HMX1: variants seen among roughly 807,000 people sequenced by gnomAD.
HMX1 encodes the protein homeobox protein HMX1.
HMX1 carries 8 observed loss-of-function variants against 8.9 expected under a neutral mutation model. The observed-to-expected ratio is 0.90, with a 90% CI of 0.53 to 1.63. The LOEUF is 1.63. Ranked by LOEUF, HMX1 falls within the 40% of genes most tolerant of loss-of-function variation. HMX1 has a pLI of 0.00. For missense variants in HMX1, 621 were observed against 558.5 expected (o/e 1.11, Z -1.13); for synonymous variants, 311 against 283.4 (o/e 1.10, Z -0.98).
chr4:8,861,953 G>C (rs1721841707), intron 1 of HMX1, among the ~76,000 whole-genome samples: 1 of 152,256 alleles, frequency 6.6e-6, no homozygotes, highest in African/African-American at 2.4e-5. Context: ...CCACGTCCGC[G>C]TGGGTGACTC....
rs1721394539 is a variant in HMX1, at chr4:8,849,952, C to T, written c.395-3628G>A. Among the ~76,000 whole-genome samples the T allele has an allele frequency of 6.6e-6, 1 of 152,182 alleles. No individual in the cohort carries two copies. On this transcript the variant is annotated intron_variant, in intron 1 of 1. Coordinates refer to the HMX1 transcript ENST00000506970. This position sits in a 1 kb window ranked among gnomAD's most constrained non-coding sequence, Gnocchi z 6.6. ...GGTGGGCAGGTGACAAAGGAAGTGG[C>T]CAAGGGTGTGTCCCAAACCCTGTGG...
chr4:8,852,269 T>C (rs1434334373), intron 1 of HMX1, among the ~76,000 whole-genome samples: 1 of 152,256 alleles, frequency 6.6e-6, no homozygotes, highest in Non-Finnish European at 1.5e-5. Context: ...TGAACGCGGC[T>C]GCAGGGAGGT....
At chr4:8,858,456 G>C (rs1053376004) in intron 1 of HMX1, among the ~76,000 whole-genome samples, 6 of 152,166 alleles carry the variant, frequency 3.9e-5, no homozygotes, top group Non-Finnish European at 7.3e-5. Context: ...GGCCAGGCGC[G>C]GCAAGACCCC....
In HMX1 at chr4:8,867,251, TC is replaced by T. The variant is rs1482562907; in HGVS notation, c.*441del. 6.1e-6 allele frequency: 6 copies of T among 985,714 alleles called. No homozygotes were observed. Among genetic ancestry groups the T allele is most frequent in the Non-Finnish European group, 6.0e-6 (5 of 830,340 alleles). The allele number at this position is 985,714 out of a possible 1,614,324, so 61.1% of individuals were successfully genotyped here. On this transcript the variant is annotated 3_prime_UTR_variant, in exon 2 of 2. Transcript: ENST00000400677. ...CCTCCGGGCCGGCCTGCTGTCTGGGTCCCAGGAAAGGGACGTTTAGTGTTGG... is the reference window on the plus strand; with the variant it reads ...CCTCCGGGCCGGCCTGCTGTCTGGGTCCAGGAAAGGGACGTTTAGTGTTGG...
At position 8,867,569 on chromosome 4, in the gene HMX1, G is replaced by A; in HGVS notation, c.*124C>T. 1.7e-6 allele frequency: 2 copies of A among 1,187,532 alleles called. No individual in the cohort carries two copies. The highest frequency in any genetic ancestry group is 2.1e-6 in the Non-Finnish European group (2 of 959,592). The allele number at this position is 1,187,532 out of a possible 1,614,324, so 73.6% of individuals were successfully genotyped here. A position where few individuals can be genotyped will look rare whatever the true frequency, so the allele number is the denominator to read the frequency against. ...CCCGGCCGCGGCCTGCGCTCCCGAG[G>A]TATCTAGGAGGCCGCAGGAGCGACC... On this transcript the variant is annotated 3_prime_UTR_variant, in exon 2 of 2. Transcript: ENST00000400677.
intron 1 of HMX1, among the ~76,000 whole-genome samples, chr4:8,855,511 G>GGTC (rs1468566308): frequency 1.3e-5 from 2 of 152,172 alleles, no homozygotes; most frequent in Non-Finnish European, 2.9e-5. Context: ...ACACTCTGGG[G>GGTC]GTCGAGGTGA....
intron 1 of HMX1, among the ~76,000 whole-genome samples, chr4:8,846,605 G>C (rs1207202779): frequency 6.6e-6 from 1 of 152,166 alleles, no homozygotes; most frequent in Non-Finnish European, 1.5e-5. Flanking sequence ...ACTGACCATA[G>C]GGTGAAGTGC....
In HMX1 at chr4:8,848,062, G is replaced by C. The variant is rs1380347996; in HGVS notation, c.395-1738C>G. ...GATTCAGTTATTGGACAACACTGAA[G>C]TATGTTTGGAACAACTTGGGTCTGA... On this transcript the variant is annotated intron_variant, in intron 1 of 1. Coordinates refer to the HMX1 transcript ENST00000506970. The surrounding 1 kb of genome is among the most constrained non-coding windows in gnomAD (Gnocchi z 4.1). Among the ~76,000 whole-genome samples, 1 of 152,204 alleles carries C rather than the reference G, an allele frequency of 6.6e-6. No individual in the cohort carries two copies. The highest frequency in any genetic ancestry group is 6.5e-5 in the Admixed American group (1 of 15,286).
Position 8,868,268 on chromosome 4 carries a change from C to G in HMX1, c.472G>C (p.Gly158Arg). ...EGAWPRGPGPGAVQREAAELA... is the reference protein window; with the variant it reads ...EGAWPRGPGPRAVQREAAELA... The stretch of plus-strand genomic sequence containing the variant: ...TCCGCTGCCTCCCGCTGCACCGCTC[C>G]CGGCCCGGGGCCTCGCGGCCAGGCG... The change falls in exon 2 of 2, where the codon GGA becomes CGA. Residue 158 changes from glycine to arginine, a missense_variant. Coordinates refer to ENST00000400677, the MANE Select transcript of HMX1 (RefSeq NM_018942.3). The surrounding 1 kb of genome is among the most constrained non-coding windows in gnomAD (Gnocchi z 4.6). 6.9e-7 allele frequency: 1 copy of G among 1,442,094 alleles called. No homozygotes were observed. Among genetic ancestry groups the G allele is most frequent in the Non-Finnish European group, 9.1e-7 (1 of 1,104,026 alleles). 89.3% of individuals were successfully genotyped at this position (1,442,094 alleles called of 1,614,324 possible).
chr4:8,871,829 G>T lies in HMX1; in HGVS notation c.-215C>A, dbSNP rs976815322. On this transcript the variant is annotated 5_prime_UTR_variant, in exon 1 of 2. Transcript: ENST00000400677. The surrounding 1 kb of genome is among the most constrained non-coding windows in gnomAD (Gnocchi z 4.8). ...CGACAGCTGATCGGGCAGCCGCCTG[G>T]CTCGCCTTTCAGGTCGCCGTTCTGG... 2.0e-6 allele frequency: 1 copy of T among 506,106 alleles called. No individual in the cohort carries two copies. Among genetic ancestry groups the T allele is most frequent in the Non-Finnish European group, 2.5e-6 (1 of 393,108 alleles). 31.4% of individuals were successfully genotyped at this position (506,106 alleles called of 1,614,324 possible).
chr4:8,856,602 T>C (rs745407380), intron 1 of HMX1, among the ~76,000 whole-genome samples: 1 of 152,144 alleles, frequency 6.6e-6, no homozygotes, highest in Non-Finnish European at 1.5e-5. Flanking sequence ...GCTACACGGG[T>C]GTGCACATTT....
Position 8,867,361 on chromosome 4 carries a change from G to C in HMX1, c.*332C>G. The stretch of plus-strand genomic sequence containing the variant: ...TTGTTGCGCTGGGCTTGGCCTGAGG[G>C]CAGCTGCCCCGGGTGGCCATGGCCG... On this transcript the variant is annotated 3_prime_UTR_variant, in exon 2 of 2. Transcript: ENST00000400677. The C allele has an allele frequency of 6.8e-6, 7 of 1,025,254 alleles. No individual in the cohort carries two copies. The highest frequency in any genetic ancestry group is 8.2e-6 in the Non-Finnish European group (7 of 856,568). 63.5% of individuals were successfully genotyped at this position (1,025,254 alleles called of 1,614,324 possible). A position where few individuals can be genotyped will look rare whatever the true frequency, so the allele number is the denominator to read the frequency against.
At chr4:8,854,989 A>G (rs1291021798) in intron 1 of HMX1, among the ~76,000 whole-genome samples, 1 of 152,376 alleles carries the variant, frequency 6.6e-6, no homozygotes, top group South Asian at 2.1e-4. Context: ...TTTCTTATGC[A>G]TGAAACACAC....
intron 1 of HMX1, among the ~76,000 whole-genome samples, chr4:8,862,014 C>A (rs888332245): frequency 6.6e-6 from 1 of 152,232 alleles, no homozygotes; most frequent in South Asian, 2.1e-4. Context: ...CCTTGTCCGT[C>A]CTCCCTGATA....
In HMX1 at chr4:8,847,178, C is replaced by T. The variant is rs1032291190; in HGVS notation, c.395-854G>A. On this transcript the variant is annotated intron_variant, in intron 1 of 1. Coordinates refer to the HMX1 transcript ENST00000506970. The surrounding 1 kb of genome is among the most constrained non-coding windows in gnomAD (Gnocchi z 6.0). ...TTGAGCCGGGCGTGGTGAGGGATGC[C>T]TGTAATCCCAGCTACTTGGGAGGCT... 2.0e-5 allele frequency among the ~76,000 whole-genome samples: 3 copies of T among 152,138 alleles called. No individual in the cohort carries two copies. Among genetic ancestry groups the T allele is most frequent in the Non-Finnish European group, 4.4e-5 (3 of 68,034 alleles).
chr4:8,865,773 T>C (rs1721975989), downstream of HMX1, among the ~76,000 whole-genome samples: 1 of 152,224 alleles, frequency 6.6e-6, no homozygotes, highest in African/African-American at 2.4e-5. Context: ...TTAGTTTTAT[T>C]GAGGCCTAAC....
chr4:8,865,200 G>C (rs1196823505), downstream of HMX1, among the ~76,000 whole-genome samples: 3 of 152,216 alleles, frequency 2.0e-5, no homozygotes, highest in Admixed American at 1.3e-4. Flanking sequence ...ACTGCGCTAA[G>C]AGGCACCCTG....
rs549781189 is a variant in HMX1, at chr4:8,870,477, G to A, written c.394+744C>T. Among the ~76,000 whole-genome samples, 2 of 152,216 alleles carry A rather than the reference G, an allele frequency of 1.3e-5. No homozygotes were observed. Among genetic ancestry groups the A allele is most frequent in the African/African-American group, 2.4e-5 (1 of 41,534 alleles). ...GAGGGGGAGGGGCAGAAAAAGAAGA[G>A]AGAGGGGTTGGACTGGGGGCCTCAG... On this transcript the variant is annotated intron_variant, in intron 1 of 1. Transcript: ENST00000400677. The surrounding 1 kb of genome is among the most constrained non-coding windows in gnomAD (Gnocchi z 4.4).
At position 8,868,476 on chromosome 4, in the gene HMX1, G is replaced by A; in HGVS notation, c.395-131C>T. The stretch of plus-strand genomic sequence containing the variant: ...GGAAGACCTTCCAGCACAGGGCTGG[G>A]CACCCAGCAGCTCTGGGGATGCACA... On this transcript the variant is annotated intron_variant, in intron 1 of 1. Coordinates refer to ENST00000400677, the MANE Select transcript of HMX1 (RefSeq NM_018942.3). The surrounding 1 kb of genome is among the most constrained non-coding windows in gnomAD (Gnocchi z 4.6). 1.5e-6 allele frequency: 1 copy of A among 677,872 alleles called. No homozygotes were observed. Among genetic ancestry groups the A allele is most frequent in the African/African-American group, 1.9e-5 (1 of 52,788 alleles). The allele number at this position is 677,872 out of a possible 1,614,324, so 42.0% of individuals were successfully genotyped here.
Sources: gnomAD v4.1 joint callset for allele counts (sites outside exome capture counted in the v4.1 genomes callset) on GRCh38, gnomAD v4.1.1 for gene constraint, Gnocchi (gnomAD v3.1) non-coding constraint, MANE v1.5 for transcripts, NCBI Gene and HGNC (gene_info 2026-07-23, HGNC 2026-07-21) for gene names.